Variants in ATXN1 observed in about 807,000 individuals in gnomAD.
ATXN1 encodes the protein ataxin 1, also known as ataxin-1.
A neutral mutation model predicts 56.4 loss-of-function variants in ATXN1; 8 were observed. The observed-to-expected ratio is 0.14, with a 90% CI of 0.08 to 0.26. ATXN1 has a LOEUF of 0.26. Ranked by LOEUF, ATXN1 falls within the 10% of genes least tolerant of loss-of-function variation. The pLI is 1.00. For missense variants in ATXN1, 987 were observed against 1,106.5 expected (o/e 0.89, Z 1.53); for synonymous variants, 514 against 494.6 (o/e 1.04, Z -0.52).
chr6:16,470,217 G>A (rs1581784920), intron 6 of ATXN1, among the ~76,000 whole-genome samples: 1 of 152,120 alleles, frequency 6.6e-6, no homozygotes, highest in Non-Finnish European at 1.5e-5. Flanking sequence ...TCAGTGAAAT[G>A]AGCCAGGCAC....
At chr6:16,730,160 G>A (rs891972676) in intron 2 of ATXN1, among the ~76,000 whole-genome samples, 6 of 152,142 alleles carry the variant, frequency 3.9e-5, no homozygotes, top group African/African-American at 9.7e-5. Context: ...GTGCACGCCT[G>A]TACAGCTACT....
At chr6:16,755,257 A>C (rs1760852166) in intron 1 of ATXN1, among the ~76,000 whole-genome samples, 2 of 152,218 alleles carry the variant, frequency 1.3e-5, no homozygotes, top group South Asian at 4.1e-4. Context: ...TAGTTAGGAT[A>C]ATACAGAGAG....
At chr6:16,624,341 G>T (rs1763370534) in intron 3 of ATXN1, among the ~76,000 whole-genome samples, 1 of 128,978 alleles carries the variant, frequency 7.8e-6, no homozygotes, top group Non-Finnish European at 1.5e-5. Context: ...ATGAGAGCGA[G>T]ACTTTGTCTC....
At chr6:16,465,935 A>C (rs1760095403) in intron 6 of ATXN1, among the ~76,000 whole-genome samples, 1 of 152,184 alleles carries the variant, frequency 6.6e-6, no homozygotes, top group South Asian at 2.1e-4. Flanking sequence ...AGAAAATACA[A>C]GGATTCTAAG....
intron 6 of ATXN1, among the ~76,000 whole-genome samples, chr6:16,413,192 C>G (rs1283809106): frequency 1.3e-5 from 2 of 152,168 alleles, no homozygotes; most frequent in African/African-American, 2.4e-5. Flanking sequence ...AATGATGACT[C>G]TATTTAAAGA....
At chr6:16,569,870 C>T (rs1019740943) in intron 4 of ATXN1, among the ~76,000 whole-genome samples, 3 of 152,164 alleles carry the variant, frequency 2.0e-5, no homozygotes, top group Admixed American at 2.0e-4. Context: ...CTCACTCTCT[C>T]GCTTCCCCAC....
intron 2 of ATXN1, among the ~76,000 whole-genome samples, chr6:16,743,943 C>T (rs1760434626): frequency 6.6e-6 from 1 of 152,122 alleles, no homozygotes; most frequent in African/African-American, 2.4e-5. Context: ...ACCTATGGAG[C>T]CAGGCTAAGG....
rs117481787 is a variant in ATXN1 at position 16,454,170 on chromosome 6, G to A, written c.-161+31802C>T. Among the ~76,000 whole-genome samples, 614 of 138,940 alleles carry A rather than the reference G, an allele frequency of 4.4e-3. 22 individuals carry two copies. In the East Asian group the frequency reaches 0.091, roughly 21 times the overall value. 91.2% of individuals were successfully genotyped at this position (138,940 alleles called of 152,430 possible). A position where few individuals can be genotyped will look rare whatever the true frequency, so the allele number is the denominator to read the frequency against. The stretch of plus-strand genomic sequence containing the variant: ...AAAAAAAAAACAGAAGAATTAGATC[G>A]ATAAATATTTACTGAGTGCTTACAG... On this transcript the variant is annotated intron_variant, in intron 6 of 7. Transcript: ENST00000436367.
intron 3 of ATXN1, among the ~76,000 whole-genome samples, chr6:16,641,954 A>T (rs1763714046): frequency 6.6e-6 from 1 of 152,200 alleles, no homozygotes; most frequent in Non-Finnish European, 1.5e-5. Flanking sequence ...ACTTCGGTGG[A>T]GGAAGGAACT....
chr6:16,464,706 A>G (rs1760067812), intron 6 of ATXN1, among the ~76,000 whole-genome samples: 1 of 151,978 alleles, frequency 6.6e-6, no homozygotes, highest in Non-Finnish European at 1.5e-5. Flanking sequence ...TATGATTCCA[A>G]CTTTATGACA....
At chr6:16,620,136 CTT>C (rs1763291917) in intron 3 of ATXN1, among the ~76,000 whole-genome samples, 1 of 152,056 alleles carries the variant, frequency 6.6e-6, no homozygotes, top group South Asian at 2.1e-4. Flanking sequence ...CTCAACCAAA[CTT>C]TTACAGTAGG....
intron 2 of ATXN1, among the ~76,000 whole-genome samples, chr6:16,675,053 T>C (rs915885936): frequency 2.6e-5 from 4 of 152,190 alleles, no homozygotes; most frequent in Non-Finnish European, 4.4e-5. Flanking sequence ...GATGTGAAAT[T>C]CAGAGGCACA....
chr6:16,435,366 G>T (rs12195609), intron 6 of ATXN1, among the ~76,000 whole-genome samples: 45,527 of 151,810 alleles, frequency 0.3, 7,732 homozygotes, highest in Middle Eastern at 0.47. Flanking sequence ...CACTTAAGTG[G>T]AGAAGCAAAG....
chr6:16,313,682 A>G (rs1313549571), intron 7 of ATXN1, among the ~76,000 whole-genome samples: 3 of 150,896 alleles, frequency 2.0e-5, no homozygotes, highest in Non-Finnish European at 3.0e-5. Flanking sequence ...TCAGCCTCCC[A>G]AGTAGCAGGG....
intron 7 of ATXN1, among the ~76,000 whole-genome samples, chr6:16,323,556 TAG>T (rs1760732998): frequency 1.3e-5 from 1 of 78,472 alleles, no homozygotes; most frequent in East Asian, 4.1e-4. Context: ...AAAAAAAAAA[TAG>T]AAGAGTCTGG....
At chr6:16,364,682 G>A (rs1306547362) in intron 6 of ATXN1, among the ~76,000 whole-genome samples, 1 of 152,156 alleles carries the variant, frequency 6.6e-6, no homozygotes, top group Non-Finnish European at 1.5e-5. Context: ...ATGTGCCAGG[G>A]ACCCAGGCAT....
Position 16,326,356 on chromosome 6 carries a change from G to A in ATXN1, c.1917+38C>T, listed in dbSNP as rs78115249. ...CAGGAGATGATGATGGCATCACGGT[G>A]TGGTGTCCCATCCCTGTGCCACCCT... On this transcript the variant is annotated intron_variant, in intron 7 of 7. Coordinates refer to ENST00000436367, the MANE Select transcript of ATXN1 (RefSeq NM_001128164.2). The surrounding 1 kb of genome is among the most constrained non-coding windows in gnomAD (Gnocchi z 6.6). The A allele has an allele frequency of 0.16, 258,161 of 1,605,432 alleles. 22,440 individuals are homozygous for A. Among genetic ancestry groups the A allele is most frequent in the Non-Finnish European group, 0.18 (214,248 of 1,175,996 alleles).
At chr6:16,360,601 A>T (rs1761788282) in intron 6 of ATXN1, among the ~76,000 whole-genome samples, 1 of 152,328 alleles carries the variant, frequency 6.6e-6, no homozygotes, top group Non-Finnish European at 1.5e-5. Context: ...GCCTCTTGGA[A>T]AACACTGTTC....
chr6:16,324,711 T>C (rs888624508), intron 7 of ATXN1, among the ~76,000 whole-genome samples: 4 of 152,066 alleles, frequency 2.6e-5, no homozygotes, highest in Non-Finnish European at 4.4e-5. Flanking sequence ...GTGAAAGAAA[T>C]GGGCTGTGGA....
Sources: allele counts gnomAD v4.1 joint callset (sites outside exome capture counted in the v4.1 genomes callset), GRCh38; gene constraint gnomAD v4.1.1; non-coding constraint Gnocchi (gnomAD v3.1); transcripts MANE v1.5; gene names NCBI Gene and HGNC (gene_info 2026-07-23, HGNC 2026-07-21).